Variants in GRIN2D observed in about 807,000 individuals in gnomAD.
GRIN2D encodes the protein glutamate ionotropic receptor NMDA type subunit 2D.
Under a neutral mutation model 103.2 loss-of-function variants are expected in GRIN2D, and 37 were observed. The observed-to-expected ratio is 0.36, with a 90% CI of 0.28 to 0.47. The LOEUF (loss-of-function observed/expected upper bound fraction) is 0.47, where lower values mean the gene tolerates loss of function less well. Ranked by LOEUF, GRIN2D falls within the 20% of genes least tolerant of loss-of-function variation. GRIN2D has a pLI of 1.00. For synonymous variants in GRIN2D, 845 were observed against 885.6 expected (o/e 0.95, Z 0.81); for missense variants, 1,557 against 1,910.6 (o/e 0.81, Z 3.45).
At chr19:48,424,664 A>T (rs1307499462) in intron 11 of GRIN2D, among the ~76,000 whole-genome samples, 1 of 151,924 alleles carries the variant, frequency 6.6e-6, no homozygotes, top group Admixed American at 6.6e-5. Context: ...CGTTTACATA[A>T]TTTTTTTCCC....
Position 48,413,994 on chromosome 19 carries a change from C to T in GRIN2D, c.1089C>T (p.Tyr363=), listed in dbSNP as rs761977086. The T allele has an allele frequency of 2.5e-6, 4 of 1,589,486 alleles. No individual in the cohort carries two copies. The highest frequency in any genetic ancestry group is 2.6e-6 in the Non-Finnish European group (3 of 1,157,706). ...RTHRGESLHR[Y]FMNITWDNRD... ...CCCTTTCCCTCCTCCTGGGCAGGTACTTCATGAACATCACGTGGGATAACC... is the reference window on the plus strand; with the variant it reads ...CCCTTTCCCTCCTCCTGGGCAGGTATTTCATGAACATCACGTGGGATAACC... The change falls in exon 5 of 14, where the codon TAC becomes TAT. Residue 363 remains tyrosine (Y), a synonymous_variant. Coordinates refer to ENST00000263269, the MANE Select transcript of GRIN2D (RefSeq NM_000836.4).
Position 48,414,659 on chromosome 19 carries a change from C to A in GRIN2D, c.1412+75C>A, listed in dbSNP as rs77702826. 1 of 1,398,756 alleles carries A rather than the reference C, an allele frequency of 7.1e-7. No individual in the cohort carries two copies. Among genetic ancestry groups the A allele is most frequent in the East Asian group, 2.5e-5 (1 of 40,208 alleles). The allele number at this position is 1,398,756 out of a possible 1,614,324, so 86.6% of individuals were successfully genotyped here. Reference sequence around the variant, plus strand: ...AAGCCCAGTAGTCTGGGCCCCCAGCCCCCTCCTCCCTTGGGACCCAGGACC... The same window carrying A: ...AAGCCCAGTAGTCTGGGCCCCCAGCACCCTCCTCCCTTGGGACCCAGGACC... On this transcript the variant is annotated intron_variant, in intron 6 of 13. Coordinates refer to ENST00000263269, the MANE Select transcript of GRIN2D (RefSeq NM_000836.4). This position sits in a 1 kb window ranked among gnomAD's most constrained non-coding sequence, Gnocchi z 4.6.
Position 48,421,490 on chromosome 19 carries a change from C to T in GRIN2D, c.2092-295C>T, listed in dbSNP as rs1236981066. 6.6e-6 allele frequency among the ~76,000 whole-genome samples: 1 copy of T among 152,074 alleles called. No homozygotes were observed. Among genetic ancestry groups the T allele is most frequent in the Non-Finnish European group, 1.5e-5 (1 of 68,022 alleles). On this transcript the variant is annotated intron_variant, in intron 10 of 13. Coordinates refer to ENST00000263269, the MANE Select transcript of GRIN2D (RefSeq NM_000836.4). This position sits in a 1 kb window ranked among gnomAD's most constrained non-coding sequence, Gnocchi z 4.8. ...AAATAGCAACAGCTCCCAGCTCCTG[C>T]CATGCCAGCCTCTACTCCCAGGACC...
chr19:48,433,733 AT>A (rs1357068276), intron 11 of GRIN2D, among the ~76,000 whole-genome samples: 3 of 151,730 alleles, frequency 2.0e-5, no homozygotes, highest in Non-Finnish European at 2.9e-5. Context: ...TGTAAGCATT[AT>A]TTTTTTTTCT....
chr19:48,443,884 C>A lies in GRIN2D; in HGVS notation c.3958C>A (p.Leu1320Met). 6.8e-7 allele frequency: 1 copy of A among 1,471,840 alleles called. No homozygotes were observed. Among genetic ancestry groups the A allele is most frequent in the East Asian group, 3.0e-5 (1 of 33,848 alleles). The allele number at this position is 1,471,840 out of a possible 1,614,324, so 91.2% of individuals were successfully genotyped here. Reference sequence around the variant, plus strand: ...CCACCGGAGACACCGGGGCGGGGACCTGGGCACCCGCAGGGGCTCGGCGCA... The same window carrying A: ...CCACCGGAGACACCGGGGCGGGGACATGGGCACCCGCAGGGGCTCGGCGCA... ...ASHRRHRGGD[L>M]GTRRGSAHFS... Residue 1320 changes from leucine to methionine, a missense_variant, in exon 14 of 14, where the codon CTG becomes ATG. Coordinates refer to ENST00000263269, the MANE Select transcript of GRIN2D (RefSeq NM_000836.4). This position sits in a 1 kb window ranked among gnomAD's most constrained non-coding sequence, Gnocchi z 8.9.
In GRIN2D at chr19:48,443,231, C is replaced by G. The variant is rs867250042; in HGVS notation, c.3305C>G (p.Pro1102Arg). The change falls in exon 14 of 14, where the codon CCG becomes CGG. Residue 1102 changes from proline to arginine, a missense_variant. By Grantham distance (103) the Pro-to-Arg change is moderately radical. Transcript: ENST00000263269. The surrounding 1 kb of genome is among the most constrained non-coding windows in gnomAD (Gnocchi z 8.9). ...APPPCRAAPP[P>R]CPYLDLEPSP... The stretch of plus-strand genomic sequence containing the variant: ...CCCCCGTGCCGCGCCGCGCCGCCCC[C>G]GTGCCCTTACCTCGATCTCGAGCCG... 5 of 1,448,978 alleles carry G rather than the reference C, an allele frequency of 3.5e-6. No homozygotes were observed. Among genetic ancestry groups the G allele is most frequent in the East Asian group, 3.0e-5 (1 of 33,534 alleles). 89.8% of individuals were successfully genotyped at this position (1,448,978 alleles called of 1,614,324 possible). A position where few individuals can be genotyped will look rare whatever the true frequency, so the allele number is the denominator to read the frequency against.
At chr19:48,417,439 GC>G (rs1444171549) in intron 8 of GRIN2D, among the ~76,000 whole-genome samples, 2 of 152,190 alleles carry the variant, frequency 1.3e-5, no homozygotes, top group Admixed American at 1.3e-4. Context: ...CCATTGCTGA[GC>G]TGGAGAAGCG....
At chr19:48,422,024 G>A in intron 11 of GRIN2D, 79 bp downstream of exon 11, 3 of 1,440,144 alleles carry the variant, frequency 2.1e-6, no homozygotes, top group Non-Finnish European at 2.9e-6. Context: ...AGGGGTCCAG[G>A]TTCATTCATT....
At position 48,405,129 on chromosome 19, in the gene GRIN2D, C is replaced by T. The variant is rs763994704; in HGVS notation, c.861C>T (p.Ala287=). ...PQLAGGGGSG[A]PGEPPLLPGG... ...TGGCTGGAGGCGGGGGCTCTGGGGCCCCTGGTGAGCCCCCTCTTCTGCCAG... is the reference window on the plus strand; with the variant it reads ...TGGCTGGAGGCGGGGGCTCTGGGGCTCCTGGTGAGCCCCCTCTTCTGCCAG... Residue 287 remains alanine (A), a synonymous_variant, in exon 4 of 14, where the codon GCC becomes GCT. Transcript: ENST00000263269. The surrounding 1 kb of genome is among the most constrained non-coding windows in gnomAD (Gnocchi z 5.1). 6.3e-7 allele frequency: 1 copy of T among 1,575,584 alleles called. No homozygotes were observed. The highest frequency in any genetic ancestry group is 8.6e-7 in the Non-Finnish European group (1 of 1,161,558).
chr19:48,408,613 G>C (rs1970819201), intron 4 of GRIN2D, among the ~76,000 whole-genome samples: 1 of 152,016 alleles, frequency 6.6e-6, no homozygotes, highest in East Asian at 1.9e-4. Flanking sequence ...GAGGTCAGGA[G>C]TTCAAGACCA....
chr19:48,427,362 A>G (rs1212139821), intron 11 of GRIN2D, among the ~76,000 whole-genome samples: 3 of 106,476 alleles, frequency 2.8e-5, no homozygotes, highest in Admixed American at 2.2e-4. Context: ...CAAAAATCCA[A>G]AGTGGTTGTA....
intron 2 of GRIN2D, among the ~76,000 whole-genome samples, chr19:48,395,571 T>C (rs1314744134): frequency 6.6e-6 from 1 of 151,712 alleles, no homozygotes; most frequent in East Asian, 1.9e-4. Context: ...TGGGGGGAGC[T>C]GTTGATCGAA....
intron 8 of GRIN2D, among the ~76,000 whole-genome samples, chr19:48,418,681 G>A (rs1333983521): frequency 2.0e-5 from 3 of 152,104 alleles, no homozygotes; most frequent in Non-Finnish European, 1.5e-5. Flanking sequence ...AGGAAGGGAG[G>A]ACGGCAAATG....
At chr19:48,428,394 CTT>C (rs1283328748) in intron 11 of GRIN2D, among the ~76,000 whole-genome samples, 5 of 128,604 alleles carry the variant, frequency 3.9e-5, no homozygotes, top group African/African-American at 1.2e-4. Context: ...GACTTTCACT[CTT>C]GTTGCCCCGG....
Position 48,404,841 on chromosome 19 carries a change from C to G in GRIN2D, c.573C>G (p.Thr191=). The G allele has an allele frequency of 6.2e-7, 1 of 1,614,220 alleles. No homozygotes were observed. The highest frequency in any genetic ancestry group is 1.6e-4 in the Middle Eastern group (1 of 6,062). Residue 191 remains threonine (T), a synonymous_variant, in exon 4 of 14, where the codon ACC becomes ACG. Coordinates refer to ENST00000263269, the MANE Select transcript of GRIN2D (RefSeq NM_000836.4). ...EYDWTSFVAV[T]TRAPGHRAFL... Reference sequence around the variant, plus strand: ...ACTGGACGTCCTTTGTAGCCGTGACCACTCGTGCCCCTGGCCACCGGGCCT... The same window carrying G: ...ACTGGACGTCCTTTGTAGCCGTGACGACTCGTGCCCCTGGCCACCGGGCCT...
In GRIN2D at chr19:48,443,769, C is replaced by T. The variant is rs758991999; in HGVS notation, c.3843C>T (p.Ala1281=). Residue 1281 remains alanine (A), a synonymous_variant, in exon 14 of 14, where the codon GCC becomes GCT. Coordinates refer to ENST00000263269, the MANE Select transcript of GRIN2D (RefSeq NM_000836.4). The surrounding 1 kb of genome is among the most constrained non-coding windows in gnomAD (Gnocchi z 8.9). Reference sequence around the variant, plus strand: ...AGGACCTCAGCTCGTGCCCTCGCGCCGCCCCTGCGCGCAGGCTTACCGGGC... The same window carrying T: ...AGGACCTCAGCTCGTGCCCTCGCGCTGCCCCTGCGCGCAGGCTTACCGGGC... ...SLEDLSSCPR[A]APARRLTGPS... 3.5e-6 allele frequency: 5 copies of T among 1,434,450 alleles called. No individual in the cohort carries two copies. In the South Asian group the frequency reaches 6.9e-5, roughly 20 times the overall value. 88.9% of individuals were successfully genotyped at this position (1,434,450 alleles called of 1,614,324 possible). A position where few individuals can be genotyped will look rare whatever the true frequency, so the allele number is the denominator to read the frequency against.
chr19:48,421,665 A>C lies in GRIN2D; in HGVS notation c.2092-120A>C, dbSNP rs1485147115. On this transcript the variant is annotated intron_variant, in intron 10 of 13. Coordinates refer to ENST00000263269, the MANE Select transcript of GRIN2D (RefSeq NM_000836.4). The surrounding 1 kb of genome is among the most constrained non-coding windows in gnomAD (Gnocchi z 4.8). Reference sequence around the variant, plus strand: ...CTAATGTAGTGAGCGAGTGTTGAGAAATATTGAACACTCCTGGGACTGGGG... The same window carrying C: ...CTAATGTAGTGAGCGAGTGTTGAGACATATTGAACACTCCTGGGACTGGGG... 9 of 768,048 alleles carry C rather than the reference A, an allele frequency of 1.2e-5. No homozygotes were observed. The highest frequency in any genetic ancestry group is 1.8e-5 in the African/African-American group (1 of 56,914). The allele number at this position is 768,048 out of a possible 1,614,324, so 47.6% of individuals were successfully genotyped here. A position where few individuals can be genotyped will look rare whatever the true frequency, so the allele number is the denominator to read the frequency against.
At chr19:48,430,969 ACC>A (rs1404237658) in intron 11 of GRIN2D, among the ~76,000 whole-genome samples, 8 of 151,762 alleles carry the variant, frequency 5.3e-5, no homozygotes. Context: ...ACAGTCGTGC[ACC>A]ACCACGCCCA....
At chr19:48,426,570 T>A (rs1017821217) in intron 11 of GRIN2D, among the ~76,000 whole-genome samples, 1 of 151,558 alleles carries the variant, frequency 6.6e-6, no homozygotes, top group African/African-American at 2.4e-5. Context: ...CTTTTTTTTT[T>A]ATTTTTTATT....
Sources: allele counts gnomAD v4.1 joint callset (sites outside exome capture counted in the v4.1 genomes callset), GRCh38; gene constraint gnomAD v4.1.1; non-coding constraint Gnocchi (gnomAD v3.1); transcripts MANE v1.5; gene names NCBI Gene and HGNC (gene_info 2026-07-23, HGNC 2026-07-21).